Variants in GPR179 observed in about 807,000 individuals in gnomAD.
GPR179 encodes probable G protein-coupled receptor 179.
Under a neutral mutation model 70.8 loss-of-function variants are expected in GPR179, and 52 were observed. That is an observed-to-expected ratio of 0.73 (90% CI 0.59 to 0.93). The LOEUF (loss-of-function observed/expected upper bound fraction) is 0.93, where lower values mean the gene tolerates loss of function less well. GPR179 is among the 40% of genes least tolerant of loss of function. GPR179 has a pLI of 0.00. For missense variants in GPR179, 2,734 were observed against 2,966.8 expected (o/e 0.92, Z 1.82); for synonymous variants, 1,123 against 1,169.0 (o/e 0.96, Z 0.80).
chr17:38,337,621 A>G lies in GPR179; in HGVS notation c.991+12T>C. The G allele has an allele frequency of 6.2e-7, 1 of 1,601,016 alleles. No individual in the cohort carries two copies. Among genetic ancestry groups the G allele is most frequent in the Non-Finnish European group, 8.5e-7 (1 of 1,173,500 alleles). On this transcript the variant is annotated intron_variant, in intron 3 of 10. Transcript: ENST00000616987. ...GTAAAACACATGCCTGGCCCCCACC[A>G]CACTTACATACCCCCAGAGGGGCTT...
rs778086948 is a variant in GPR179, at chr17:38,330,872, CA to C, written c.2696del (p.Leu899ArgfsTer70). On this transcript the variant is annotated frameshift_variant, in exon 11 of 11. Coordinates refer to ENST00000616987, the MANE Select transcript of GPR179 (RefSeq NM_001004334.4). LOFTEE classifies it low-confidence loss of function (END_TRUNC). ...TCTTGGCAGGGGAAGGTGGAGCTGA[CA>C]GGGGGGCCCCTCGAGGCCGCTCCAG... ...RRLERPRGAP[L>X]SAPPSPAKSS... is the part of the protein sequence containing the mutation. 3.1e-6 allele frequency: 5 copies of C among 1,600,974 alleles called. No homozygotes were observed. The highest frequency in any genetic ancestry group is 1.1e-5 in the South Asian group (1 of 88,988).
Position 38,331,299 on chromosome 17 carries a change from G to C in GPR179, c.2270C>G (p.Ser757Cys), listed in dbSNP as rs531637404. The C allele has an allele frequency of 1.2e-6, 2 of 1,601,992 alleles. No individual in the cohort carries two copies. Among genetic ancestry groups the C allele is most frequent in the Admixed American group, 3.4e-5 (2 of 58,114 alleles). ...TGTCCCCTCGGGTTCCTGGAGGCTG[G>C]AGCTGAGGAGCCGGCGGCGGGAGGA... ...PGSSRRRLLSSSLQEPEGTPA... is the reference protein window; with the variant it reads ...PGSSRRRLLSCSLQEPEGTPA... The change falls in exon 11 of 11, where the codon TCC (serine) becomes TGC (cysteine). Residue 757 changes from serine to cysteine, a missense_variant. Ser to Cys is a moderately radical substitution (Grantham distance 112). Coordinates refer to ENST00000616987, the MANE Select transcript of GPR179 (RefSeq NM_001004334.4).
Position 38,326,730 on chromosome 17 carries a change from T to A in GPR179, c.6839A>T (p.His2280Leu). Reference protein sequence around the residue: ...APEKPLCLLVHGPLDHFFPES... With the variant: ...APEKPLCLLVLGPLDHFFPES... Reference sequence around the variant, plus strand: ...TGGAAAGAAGTGATCCAGAGGCCCATGGACTAAAAGGCATAGTGGTTTTTC... The same window carrying A: ...TGGAAAGAAGTGATCCAGAGGCCCAAGGACTAAAAGGCATAGTGGTTTTTC... The change falls in exon 11 of 11, where the codon CAT (histidine) becomes CTT (leucine). Residue 2280 changes from histidine to leucine, a missense_variant. Physicochemically the swap from His to Leu is moderately conservative, Grantham distance 99 (BLOSUM62 -3). Coordinates refer to ENST00000616987, the MANE Select transcript of GPR179 (RefSeq NM_001004334.4). The A allele has an allele frequency of 6.2e-7, 1 of 1,614,226 alleles. No homozygotes were observed. The highest frequency in any genetic ancestry group is 8.5e-7 in the Non-Finnish European group (1 of 1,180,040).
Position 38,337,510 on chromosome 17 carries a change from C to T in GPR179, c.991+123G>A. Reference sequence around the variant, plus strand: ...TGCCTCTCCTGCCTCTCTCAACCTTCTGCCCTTGCCCCACAAGTTCCCTCC... The same window carrying T: ...TGCCTCTCCTGCCTCTCTCAACCTTTTGCCCTTGCCCCACAAGTTCCCTCC... On this transcript the variant is annotated intron_variant, in intron 3 of 10. Transcript: ENST00000616987. 3.5e-6 allele frequency: 3 copies of T among 858,724 alleles called. No individual in the cohort carries two copies. In the East Asian group the frequency reaches 7.6e-5, roughly 22 times the overall value. 53.2% of individuals were successfully genotyped at this position (858,724 alleles called of 1,614,324 possible). A position where few individuals can be genotyped will look rare whatever the true frequency, so the allele number is the denominator to read the frequency against.
chr17:38,333,623 G>T (rs2144267518), intron 9 of GPR179, among the ~76,000 whole-genome samples: 1 of 152,288 alleles, frequency 6.6e-6, no homozygotes, highest in East Asian at 1.9e-4. Flanking sequence ...TCCTAGCCGG[G>T]TCCTTCAGCT....
chr17:38,333,782 T>C, intron 9 of GPR179, 151 bp downstream of exon 9: 1 of 621,378 alleles, frequency 1.6e-6, no homozygotes, highest in Non-Finnish European at 2.8e-6. Context: ...AGTCAGCTCC[T>C]AGCTTAGGGC....
chr17:38,330,452 T>A lies in GPR179; in HGVS notation c.3117A>T (p.Lys1039Asn), dbSNP rs562346824. The change falls in exon 11 of 11, where the codon AAA becomes AAT. Residue 1039 changes from lysine (K) to asparagine (N), a missense_variant. Transcript: ENST00000616987. ...LWRALSVAVE[K>N]SRAGENEMDA... ...CCATCTCATTCTCCCCAGCCCTGCT[T>A]TTCTCTACTGCAACAGAGAGGGCCC... 1.9e-5 allele frequency: 30 copies of A among 1,573,156 alleles called. No individual in the cohort carries two copies. The East Asian group carries it at 6.3e-4, about 33-fold the overall frequency.
Position 38,331,460 on chromosome 17 carries a change from G to A in GPR179, c.2109C>T (p.His703=). Reference sequence around the variant, plus strand: ...ATGAGCTGCCTCGCTTCTTGGGCAGGTGGGGGTTGTTTGCGGCCATTTCCT... The same window carrying A: ...ATGAGCTGCCTCGCTTCTTGGGCAGATGGGGGTTGTTTGCGGCCATTTCCT... The part of the protein sequence containing the change: ...KTKEMAANNP[H]LPKKRGSSCQ... The change falls in exon 11 of 11, where the codon CAC becomes CAT. Residue 703 remains histidine (H), a synonymous_variant. Coordinates refer to ENST00000616987, the MANE Select transcript of GPR179 (RefSeq NM_001004334.4). The A allele has an allele frequency of 1.9e-6, 3 of 1,614,140 alleles. No individual in the cohort carries two copies. The South Asian group carries it at 3.3e-5, about 18-fold the overall frequency.
chr17:38,331,727 C>T (rs1200327389), intron 10 of GPR179, among the ~76,000 whole-genome samples, 196 bp from the exon 11 acceptor site: 1 of 152,224 alleles, frequency 6.6e-6, no homozygotes, highest in African/African-American at 2.4e-5. Flanking sequence ...TGAGTCCCAG[C>T]CAGATCCAGT....
chr17:38,335,032 C>G lies in GPR179; in HGVS notation c.1645+1G>C, dbSNP rs753317811. Reference sequence around the variant, plus strand: ...GGCTGGGCTCAGCAGAAGCAGCTCACCCACAACCATGATGTAGTCCCAGCG... The same window carrying G: ...GGCTGGGCTCAGCAGAAGCAGCTCAGCCACAACCATGATGTAGTCCCAGCG... On this transcript the variant is annotated splice_donor_variant, in intron 7 of 10. Coordinates refer to ENST00000616987, the MANE Select transcript of GPR179 (RefSeq NM_001004334.4). LOFTEE classifies it high-confidence loss of function. 6.2e-7 allele frequency: 1 copy of G among 1,610,270 alleles called. No individual in the cohort carries two copies. Among genetic ancestry groups the G allele is most frequent in the Non-Finnish European group, 8.5e-7 (1 of 1,177,206 alleles).
In GPR179 at chr17:38,330,284, G is replaced by A; in HGVS notation, c.3285C>T (p.Thr1095=). 1 of 1,609,508 alleles carries A rather than the reference G, an allele frequency of 6.2e-7. No individual in the cohort carries two copies. Among genetic ancestry groups the A allele is most frequent in the Non-Finnish European group, 8.5e-7 (1 of 1,177,252 alleles). ...RSLGLAIKAL[T]RSRSTYREKE... The stretch of plus-strand genomic sequence containing the variant: ...TCTCTCTGTAGGTGCTCCGAGAACG[G>A]GTCAGAGCTTTAATCGCCAGCCCCA... The change falls in exon 11 of 11, where the codon ACC becomes ACT. Residue 1095 remains threonine, a synonymous_variant. Coordinates refer to ENST00000616987, the MANE Select transcript of GPR179 (RefSeq NM_001004334.4).
At chr17:38,338,862 G>A (rs2037427320) in intron 2 of GPR179, among the ~76,000 whole-genome samples, 1 of 152,224 alleles carries the variant, frequency 6.6e-6, no homozygotes, top group South Asian at 2.1e-4. Context: ...TGCACCCGTA[G>A]CTTTGAATCT....
Position 38,329,328 on chromosome 17 carries a change from A to C in GPR179, c.4241T>G (p.Phe1414Cys), listed in dbSNP as rs756164753. Residue 1414 changes from phenylalanine (F) to cysteine (C), a missense_variant, in exon 11 of 11, where the codon TTT becomes TGT. Phe to Cys is a radical substitution (Grantham distance 205). Transcript: ENST00000616987. ...QEKQKTRKAT[F>C]WKEQKPGGDL... ...TCCTCCCGGTTTCTGTTCTTTCCAAAAGGTTGCTTTCCTGGTTTTCTGCTT... is the reference window on the plus strand; with the variant it reads ...TCCTCCCGGTTTCTGTTCTTTCCAACAGGTTGCTTTCCTGGTTTTCTGCTT... 3 of 1,612,868 alleles carry C rather than the reference A, an allele frequency of 1.9e-6. No individual in the cohort carries two copies. In the South Asian group the frequency reaches 3.3e-5, roughly 18 times the overall value.
rs897637922 is a variant in GPR179 at position 38,330,457 on chromosome 17, C to G, written c.3112G>C (p.Glu1038Gln). The change falls in exon 11 of 11, where the codon GAG becomes CAG. Residue 1038 changes from glutamate to glutamine, a missense_variant. Physicochemically the swap from Glu to Gln is conservative, Grantham distance 29. Transcript: ENST00000616987. Reference protein sequence around the residue: ...RLWRALSVAVEKSRAGENEMD... With the variant: ...RLWRALSVAVQKSRAGENEMD... ...TCATTCTCCCCAGCCCTGCTTTTCT[C>G]TACTGCAACAGAGAGGGCCCTCCAG... 5.7e-6 allele frequency: 9 copies of G among 1,570,228 alleles called. No homozygotes were observed. Among genetic ancestry groups the G allele is most frequent in the Non-Finnish European group, 6.1e-6 (7 of 1,155,346 alleles).
In GPR179 at chr17:38,331,099, T is replaced by C; in HGVS notation, c.2470A>G (p.Thr824Ala). Residue 824 changes from threonine to alanine, a missense_variant, in exon 11 of 11, where the codon ACG (threonine) becomes GCG (alanine). Physicochemically the swap from Thr to Ala is moderately conservative, Grantham distance 58. Transcript: ENST00000616987. ...GFRSASAHNL[T>A]VGERLPRARP... ...GCTCTGGGTAGCCTCTCTCCCACCG[T>C]CAGGTTGTGGGCGCTGGCTGACCTG... 1 of 1,601,986 alleles carries C rather than the reference T, an allele frequency of 6.2e-7. No individual in the cohort carries two copies. Among genetic ancestry groups the C allele is most frequent in the Non-Finnish European group, 8.5e-7 (1 of 1,179,490 alleles).
At chr17:38,342,668 T>C (rs1341072677) in intron 1 of GPR179, among the ~76,000 whole-genome samples, 7 of 152,226 alleles carry the variant, frequency 4.6e-5, no homozygotes, top group Non-Finnish European at 1.5e-5. Flanking sequence ...CACATGTGTA[T>C]ACCTGCATAT....
intron 1 of GPR179, among the ~76,000 whole-genome samples, chr17:38,340,902 G>C (rs2037444080): frequency 6.6e-6 from 1 of 152,158 alleles, no homozygotes; most frequent in Admixed American, 6.5e-5. Context: ...TAGTGACAGA[G>C]CAAGAGTCCA....
intron 2 of GPR179, among the ~76,000 whole-genome samples, 165 bp from the exon 3 acceptor site, chr17:38,337,885 T>G (rs1389294159): frequency 1.3e-5 from 2 of 152,202 alleles, no homozygotes; most frequent in Non-Finnish European, 2.9e-5. Context: ...AAGCCTTCCC[T>G]CTGTGGAAAC....
Position 38,343,608 on chromosome 17 carries a change from G to C in GPR179, c.182C>G (p.Ala61Gly). 6.2e-7 allele frequency: 1 copy of C among 1,613,814 alleles called. No individual in the cohort carries two copies. Among genetic ancestry groups the C allele is most frequent in the Non-Finnish European group, 8.5e-7 (1 of 1,180,010 alleles). The change falls in exon 1 of 11, where the codon GCT becomes GGT. Residue 61 changes from alanine (A) to glycine (G), a missense_variant. Transcript: ENST00000616987. This position sits in a 1 kb window ranked among gnomAD's most constrained non-coding sequence, Gnocchi z 4.2. The stretch of plus-strand genomic sequence containing the variant: ...CTGGGCATCTCCAGAGTAGAGATAA[G>C]CGAGGGCGGCCTCGGCCCCCTCTAG... ...VPLEGAEAAL[A>G]YLYSGDAQQL...
Sources: gnomAD v4.1 joint callset for allele counts (sites outside exome capture counted in the v4.1 genomes callset) on GRCh38, gnomAD v4.1.1 for gene constraint, Gnocchi (gnomAD v3.1) non-coding constraint, MANE v1.5 for transcripts, NCBI Gene and HGNC (gene_info 2026-07-23, HGNC 2026-07-21) for gene names.